The following SLC1A2 variants were observed in gnomAD, a reference collection of about 807,000 sequenced individuals.
SLC1A2 encodes excitatory amino acid transporter 2.
In SLC1A2, 15 loss-of-function variants were observed where a neutral mutation model predicts 48.8. The observed-to-expected ratio is 0.31, with a 90% CI of 0.21 to 0.47. SLC1A2 has a LOEUF of 0.47. Ranked by LOEUF, SLC1A2 falls within the 20% of genes least tolerant of loss-of-function variation. SLC1A2 has a pLI of 0.99. For missense variants in SLC1A2, 502 were observed against 730.5 expected (o/e 0.69, Z 3.61); for synonymous variants, 279 against 272.6 (o/e 1.02, Z -0.23).
At chr11:35,334,750 G>A (rs1238462516) in intron 1 of SLC1A2, among the ~76,000 whole-genome samples, 1 of 152,200 alleles carries the variant, frequency 6.6e-6, no homozygotes, top group Non-Finnish European at 1.5e-5. Flanking sequence ...AGTCTACTTT[G>A]GGGGGCAGGA....
chr11:35,308,032 A>C (rs1224426186), intron 4 of SLC1A2, among the ~76,000 whole-genome samples: 2 of 152,154 alleles, frequency 1.3e-5, no homozygotes, highest in African/African-American at 4.8e-5. Flanking sequence ...CAGCAGAGTC[A>C]TGCTCCCAGG....
Position 35,286,805 on chromosome 11 carries a change from G to A in SLC1A2, c.1238C>T (p.Ala413Val), listed in dbSNP as rs2134717950. Residue 413 changes from alanine (A) to valine (V), a missense_variant, in exon 8 of 11, where the codon GCC (alanine) becomes GTC (valine). Transcript: ENST00000278379. ...LYEAVAAIFI[A>V]QMNGVVLDGG... ...ATCCAGGACAACACCATTCATTTGGGCTATAAAGATGGCGGCTACCGCTTC... is the reference window on the plus strand; with the variant it reads ...ATCCAGGACAACACCATTCATTTGGACTATAAAGATGGCGGCTACCGCTTC... 6.2e-7 allele frequency: 1 copy of A among 1,613,708 alleles called. No homozygotes were observed. Among genetic ancestry groups the A allele is most frequent in the Non-Finnish European group, 8.5e-7 (1 of 1,179,776 alleles).
At chr11:35,322,535 T>G in intron 1 of SLC1A2, 126 of 1,348,410 alleles carry the variant, frequency 9.3e-5, no homozygotes, top group Non-Finnish European at 1.2e-4. Flanking sequence ...CTGGAGGATG[T>G]GAGGTTTGCA....
Position 35,374,322 on chromosome 11 carries a change from T to A in SLC1A2, c.17+44628A>T, listed in dbSNP as rs1854152623. 6 of 1,047,136 alleles carry A rather than the reference T, an allele frequency of 5.7e-6. No individual in the cohort carries two copies. The Admixed American group carries it at 1.1e-4, about 19-fold the overall frequency. The allele number at this position is 1,047,136 out of a possible 1,614,324, so 64.9% of individuals were successfully genotyped here. A position where few individuals can be genotyped will look rare whatever the true frequency, so the allele number is the denominator to read the frequency against. Reference sequence around the variant, plus strand: ...AGAATTCTCTCCAGAAGAGTGGAAATGCCTGGACCCTGCCCAGCAGAATTT... The same window carrying A: ...AGAATTCTCTCCAGAAGAGTGGAAAAGCCTGGACCCTGCCCAGCAGAATTT... On this transcript the variant is annotated intron_variant, in intron 1 of 10. Transcript: ENST00000278379.
At chr11:35,354,529 C>T (rs1261641541) in intron 1 of SLC1A2, among the ~76,000 whole-genome samples, 2 of 152,106 alleles carry the variant, frequency 1.3e-5, no homozygotes, top group Non-Finnish European at 2.9e-5. Flanking sequence ...TGTTGGCCCA[C>T]CTCTTCCAAC....
chr11:35,371,084 T>C, intron 1 of SLC1A2: 1 of 979,680 alleles, frequency 1.0e-6, no homozygotes, highest in Non-Finnish European at 1.2e-6. Context: ...CTGTGTTCAC[T>C]TTGGTCCAGC....
intron 1 of SLC1A2, among the ~76,000 whole-genome samples, chr11:35,322,291 C>T (rs775043463): frequency 6.6e-5 from 10 of 152,160 alleles, no homozygotes; most frequent in South Asian, 2.1e-4. Context: ...ATGGGGCTAA[C>T]GCTAAGTTTT....
In SLC1A2 at chr11:35,312,285, C is replaced by T. The variant is rs1251804879; in HGVS notation, c.474G>A (p.Lys158=). The part of the protein sequence containing the change: ...KLKKQLGPGK[K]NDEVSSLDAF... ...CATCCAGGCTGGACACTTCATCATT[C>T]TTCTTCCCAGGCCCCAGCTGCTTCT... The change falls in exon 4 of 11, where the codon AAG becomes AAA. Residue 158 remains lysine (K), a synonymous_variant. Transcript: ENST00000278379. The T allele has an allele frequency of 6.2e-7, 1 of 1,614,142 alleles. No individual in the cohort carries two copies. The highest frequency in any genetic ancestry group is 1.1e-5 in the South Asian group (1 of 91,074).
intron 2 of SLC1A2, 188 bp from the exon 3 acceptor site, chr11:35,315,363 C>A (rs1292211965): frequency 1.4e-5 from 7 of 487,564 alleles, no homozygotes; most frequent in Non-Finnish European, 2.6e-5. Flanking sequence ...ACTTTCTATA[C>A]CTCCAACTAT....
At chr11:35,265,466 T>TTTA in intron 10 of SLC1A2, 61 bp downstream of exon 10, 1 of 850,504 alleles carries the variant, frequency 1.2e-6, no homozygotes. Context: ...TTTTTTTTTT[T>TTTA]AAAGAAATCA....
chr11:35,369,413 G>C (rs1273144983), intron 1 of SLC1A2, among the ~76,000 whole-genome samples: 2 of 152,190 alleles, frequency 1.3e-5, no homozygotes, highest in East Asian at 3.9e-4. Flanking sequence ...CAAGCTCCAG[G>C]TTCCTTACCA....
At chr11:35,378,307 G>C (rs1358544984) in intron 1 of SLC1A2, among the ~76,000 whole-genome samples, 1 of 152,210 alleles carries the variant, frequency 6.6e-6, no homozygotes, top group Non-Finnish European at 1.5e-5. Context: ...ACGTTGTTTG[G>C]GTGATGATAC....
At chr11:35,322,599 G>A (rs1431886129) in intron 1 of SLC1A2, 1 of 1,534,746 alleles carries the variant, frequency 6.5e-7, no homozygotes, top group Non-Finnish European at 8.7e-7. Flanking sequence ...CTCCTCCCTG[G>A]CCCCAGGCTT....
intron 1 of SLC1A2, among the ~76,000 whole-genome samples, chr11:35,345,272 G>A (rs374307741): frequency 4.7e-4 from 72 of 152,224 alleles, no homozygotes; most frequent in African/African-American, 1.4e-3. Context: ...TTCATAAAAC[G>A]TGCAGACCTT....
intron 1 of SLC1A2, among the ~76,000 whole-genome samples, chr11:35,348,607 CAG>C (rs1192930427): frequency 6.6e-6 from 1 of 151,950 alleles, no homozygotes; most frequent in Non-Finnish European, 1.5e-5. Flanking sequence ...ATTAAGAAGA[CAG>C]AGGCCAGGCA....
At chr11:35,329,736 A>T (rs1351201538) in intron 1 of SLC1A2, among the ~76,000 whole-genome samples, 3 of 152,074 alleles carry the variant, frequency 2.0e-5, no homozygotes, top group Non-Finnish European at 4.4e-5. Flanking sequence ...GCAGCTTATC[A>T]CTTCTACTCT....
intron 1 of SLC1A2, among the ~76,000 whole-genome samples, chr11:35,393,034 T>G (rs906316335): frequency 6.6e-6 from 1 of 152,174 alleles, no homozygotes; most frequent in African/African-American, 2.4e-5. Context: ...TACTTTATGG[T>G]GGGAGTCTAT....
At chr11:35,406,475 G>A (rs920860416) in intron 1 of SLC1A2, among the ~76,000 whole-genome samples, 4 of 152,062 alleles carry the variant, frequency 2.6e-5, no homozygotes, top group African/African-American at 9.7e-5. Context: ...TATTCAAGCT[G>A]AGGACCAAAG....
chr11:35,304,645 AC>A (rs1851450217), intron 5 of SLC1A2, among the ~76,000 whole-genome samples: 1 of 152,104 alleles, frequency 6.6e-6, no homozygotes, highest in South Asian at 2.1e-4. Flanking sequence ...GCCAAGCCAA[AC>A]AAAAAAGATC....
Sources: allele counts gnomAD v4.1 joint callset (sites outside exome capture counted in the v4.1 genomes callset), GRCh38; gene constraint gnomAD v4.1.1; transcripts MANE v1.5; gene names NCBI Gene and HGNC (gene_info 2026-07-23, HGNC 2026-07-21).